The following TYW5 variants were observed in gnomAD, a reference collection of about 807,000 sequenced individuals.
The protein encoded by TYW5 is tRNA wybutosine-synthesizing protein 5.
TYW5 carries 36 observed loss-of-function variants against 44.4 expected under a neutral mutation model. The observed-to-expected ratio is 0.81, with a 90% confidence interval of 0.62 to 1.07. TYW5 has a LOEUF of 1.07. TYW5 is among the 50% of genes least tolerant of loss of function. The pLI is 0.00. For synonymous variants in TYW5, 121 were observed against 128.1 expected (o/e 0.94, Z 0.37); for missense variants, 354 against 365.7 (o/e 0.97, Z 0.26).
rs2077358580 is a variant in TYW5 at position 199,929,636 on chromosome 2, G to C, written c.*3431C>G. ...GTGATAGAAAAGCCGCCTTACTAAGGTTCTTTCCAAATGTTCACATAGCTG... is the reference window on the plus strand; with the variant it reads ...GTGATAGAAAAGCCGCCTTACTAAGCTTCTTTCCAAATGTTCACATAGCTG... On this transcript the variant is annotated 3_prime_UTR_variant, in exon 8 of 8. Coordinates refer to ENST00000354611, the MANE Select transcript of TYW5 (RefSeq NM_001039693.3). Among the ~76,000 whole-genome samples the C allele has an allele frequency of 6.7e-6, 1 of 150,258 alleles. No homozygotes were observed. The highest frequency in any genetic ancestry group is 6.7e-5 in the Admixed American group (1 of 15,036).
Position 199,930,367 on chromosome 2 carries a change from C to T in TYW5, c.*2700G>A, listed in dbSNP as rs2077366480. The stretch of plus-strand genomic sequence containing the variant: ...TAATTATCACTGGTTTCTCGTGCAT[C>T]CTTAGAGATAATTATATGCATATGC... On this transcript the variant is annotated 3_prime_UTR_variant, in exon 8 of 8. Transcript: ENST00000354611. 1 of 152,192 alleles carries T rather than the reference C, an allele frequency of 6.6e-6. No individual in the cohort carries two copies. The highest frequency in any genetic ancestry group is 2.4e-5 in the African/African-American group (1 of 41,434). The allele number at this position is 152,192 out of a possible 1,614,324, so 9.4% of individuals were successfully genotyped here. A position where few individuals can be genotyped will look rare whatever the true frequency, so the allele number is the denominator to read the frequency against.
At position 199,954,163 on chromosome 2, in the gene TYW5, G is replaced by A. The variant is rs1475391930; in HGVS notation, c.78+1230C>T. Reference sequence around the variant, plus strand: ...TCTCGCCCATGCTGGAGCAGTGGCAGGATCATGGATCACTGCAGCCTCGAC... The same window carrying A: ...TCTCGCCCATGCTGGAGCAGTGGCAAGATCATGGATCACTGCAGCCTCGAC... On this transcript the variant is annotated intron_variant, in intron 1 of 7. Coordinates refer to ENST00000354611, the MANE Select transcript of TYW5 (RefSeq NM_001039693.3). Among the ~76,000 whole-genome samples the A allele has an allele frequency of 4.6e-5, 7 of 151,988 alleles. No homozygotes were observed. The East Asian group carries it at 1.4e-3, about 29-fold the overall frequency.
intron 1 of TYW5, among the ~76,000 whole-genome samples, chr2:199,953,159 TA>T (rs1255794038): frequency 1.3e-5 from 2 of 151,970 alleles, no homozygotes; most frequent in Non-Finnish European, 2.9e-5. Context: ...CCGCCTCTAC[TA>T]AAAAATACAA....
At chr2:199,948,816 G>A (rs998567664) in intron 1 of TYW5, among the ~76,000 whole-genome samples, 8 of 152,030 alleles carry the variant, frequency 5.3e-5, no homozygotes, top group African/African-American at 7.2e-5. Flanking sequence ...AAGAATTTCC[G>A]TAAACGCTTT....
At chr2:199,952,385 A>G (rs887121492) in intron 1 of TYW5, among the ~76,000 whole-genome samples, 1 of 152,214 alleles carries the variant, frequency 6.6e-6, no homozygotes, top group African/African-American at 2.4e-5. Context: ...AATTTTTGCC[A>G]ATATGATATA....
intron 2 of TYW5, chr2:199,947,823 G>A (rs2077514201): frequency 6.3e-6 from 1 of 157,574 alleles, no homozygotes; most frequent in Admixed American, 6.3e-5. Context: ...CAGGCATGGT[G>A]GCTCATGCCT....
At chr2:199,943,893 C>T (rs1052270573) in intron 2 of TYW5, 59 bp from the exon 3 acceptor site, 1 of 1,303,284 alleles carries the variant, frequency 7.7e-7, no homozygotes, top group Non-Finnish European at 1.1e-6. Flanking sequence ...TAGTAAGAAT[C>T]TAATCACTAT....
chr2:199,934,569 G>A (rs1469752138), intron 7 of TYW5, among the ~76,000 whole-genome samples: 1 of 151,612 alleles, frequency 6.6e-6, no homozygotes, highest in Non-Finnish European at 1.5e-5. Flanking sequence ...GCCCTTTTGG[G>A]GAAGACAAAG....
Position 199,940,265 on chromosome 2 carries a change from C to T in TYW5, c.304-132G>A, listed in dbSNP as rs372240588. ...AAAAAGAATTATGTACTGAGAACTA[C>T]GGAAAAAAATAAAACACCTTCACTT... On this transcript the variant is annotated intron_variant, in intron 3 of 7. Coordinates refer to ENST00000354611, the MANE Select transcript of TYW5 (RefSeq NM_001039693.3). 2.7e-4 allele frequency: 205 copies of T among 746,136 alleles called. 1 individual carries two copies. The highest frequency in any genetic ancestry group is 4.2e-4 in the Middle Eastern group (1 of 2,408). 46.2% of individuals were successfully genotyped at this position (746,136 alleles called of 1,614,324 possible).
intron 1 of TYW5, among the ~76,000 whole-genome samples, chr2:199,950,568 C>T (rs1048744712): frequency 6.6e-6 from 1 of 152,208 alleles, no homozygotes; most frequent in Admixed American, 6.5e-5. Context: ...TTTCCTCCCA[C>T]AACCCCAAGA....
rs536312369 is a variant in TYW5 at position 199,940,211 on chromosome 2, A to G, written c.304-78T>C. 3.1e-6 allele frequency: 4 copies of G among 1,276,304 alleles called. No individual in the cohort carries two copies. The African/African-American group carries it at 4.5e-5, about 14-fold the overall frequency. 79.1% of individuals were successfully genotyped at this position (1,276,304 alleles called of 1,614,324 possible). A position where few individuals can be genotyped will look rare whatever the true frequency, so the allele number is the denominator to read the frequency against. On this transcript the variant is annotated intron_variant, in intron 3 of 7. Coordinates refer to ENST00000354611, the MANE Select transcript of TYW5 (RefSeq NM_001039693.3). ...TAAAAATACTAGGATTTGTATAGCT[A>G]TCATGTATTCATAATAATTAAAAGT...
chr2:199,935,276 G>C (rs1254625498), intron 7 of TYW5, among the ~76,000 whole-genome samples: 1 of 151,844 alleles, frequency 6.6e-6, no homozygotes, highest in Non-Finnish European at 1.5e-5. Flanking sequence ...ATGTCACTTA[G>C]TAAAATAGAG....
At position 199,934,765 on chromosome 2, in the gene TYW5, A is replaced by G. The variant is rs564005777; in HGVS notation, c.691+1166T>C. Among the ~76,000 whole-genome samples the G allele has an allele frequency of 5.9e-5, 9 of 152,194 alleles. No individual in the cohort carries two copies. In the South Asian group the frequency reaches 1.9e-3, roughly 32 times the overall value. ...TTGTTAATATATCCCTTTAATTTTAATTATGATTTTTATAATCTTCAAGAG... is the reference window on the plus strand; with the variant it reads ...TTGTTAATATATCCCTTTAATTTTAGTTATGATTTTTATAATCTTCAAGAG... On this transcript the variant is annotated intron_variant, in intron 7 of 7. Transcript: ENST00000354611.
At chr2:199,945,762 A>C (rs1248163516) in intron 2 of TYW5, 1 of 152,274 alleles carries the variant, frequency 6.6e-6, no homozygotes, top group African/African-American at 2.4e-5. Flanking sequence ...TGACCCTGAA[A>C]GAGCAGACAG....
intron 2 of TYW5, chr2:199,946,412 G>T (rs2077504278): frequency 6.6e-6 from 1 of 152,166 alleles, no homozygotes; most frequent in African/African-American, 2.4e-5. Context: ...ATAAACAAGA[G>T]CAAGATGATG....
intron 7 of TYW5, among the ~76,000 whole-genome samples, chr2:199,935,663 T>C (rs959199940): frequency 6.7e-6 from 1 of 149,096 alleles, no homozygotes; most frequent in Non-Finnish European, 1.5e-5. Flanking sequence ...TGTTAACTTA[T>C]AGGCCAAAAC....
rs756252358 is a variant in TYW5 at position 199,933,068 on chromosome 2, T to C, written c.947A>G (p.Ter316=). The C allele has an allele frequency of 1.2e-6, 2 of 1,613,442 alleles. No homozygotes were observed. The highest frequency in any genetic ancestry group is 1.7e-6 in the Non-Finnish European group (2 of 1,179,738). ...TGTGCATTGCATTCACTTCATTATT[T>C]ACTCAGAGTTCTTGCTGTAGGCTTT... ...QDKAYSKNSE[*] Residue 316 remains the stop codon, a stop_retained_variant, in exon 8 of 8, where the codon TAA becomes TGA. Transcript: ENST00000354611.
rs528534138 is a variant in TYW5 at position 199,954,285 on chromosome 2, A to T, written c.78+1108T>A. 2.7e-5 allele frequency among the ~76,000 whole-genome samples: 4 copies of T among 148,826 alleles called. No individual in the cohort carries two copies. In the East Asian group the frequency reaches 8.3e-4, roughly 31 times the overall value. On this transcript the variant is annotated intron_variant, in intron 1 of 7. Coordinates refer to ENST00000354611, the MANE Select transcript of TYW5 (RefSeq NM_001039693.3). ...CCCGGCTAATTTTTGTATTTTTTGT[A>T]CAGACGGGGATTCACCATATTGGCC...
At chr2:199,949,402 T>C (rs2077527866) in intron 1 of TYW5, among the ~76,000 whole-genome samples, 1 of 152,014 alleles carries the variant, frequency 6.6e-6, no homozygotes, top group African/African-American at 2.4e-5. Flanking sequence ...ACTGACATAA[T>C]ACTATTATCT....
Sources: gnomAD v4.1 joint callset for allele counts (sites outside exome capture counted in the v4.1 genomes callset) on GRCh38, gnomAD v4.1.1 for gene constraint, MANE v1.5 for transcripts, NCBI Gene and HGNC (gene_info 2026-07-23, HGNC 2026-07-21) for gene names.